The following CACNA1C variants were observed in gnomAD, a reference collection of about 807,000 sequenced individuals.
CACNA1C encodes voltage-dependent L-type calcium channel subunit alpha-1C.
In CACNA1C, 30 loss-of-function variants were observed where a neutral mutation model predicts 229.0. That is an observed-to-expected ratio of 0.13 (90% CI 0.10 to 0.18). The LOEUF (loss-of-function observed/expected upper bound fraction) is 0.18, where lower values mean the gene tolerates loss of function less well. CACNA1C is among the 10% of genes least tolerant of loss of function. The probability of loss-of-function intolerance (pLI) is 1.00; values close to 1 mark genes in which losing one functional copy is unlikely to be tolerated. For synonymous variants in CACNA1C, 1,114 were observed against 1,132.5 expected, an observed-to-expected ratio of 0.98 and a Z score of 0.33; for missense variants, 1,658 against 2,845.0, an observed-to-expected ratio of 0.58 and a Z score of 9.49.
At chr12:2,438,482 C>T (rs1207501671) in intron 3 of CACNA1C, among the ~76,000 whole-genome samples, 5 of 151,758 alleles carry the variant, frequency 3.3e-5, no homozygotes, top group Admixed American at 2.0e-4. Flanking sequence ...AGCAGGGTGG[C>T]CACTGAGCTG....
At chr12:2,105,508 T>G (rs2077904956) in intron 1 of CACNA1C, among the ~76,000 whole-genome samples, 1 of 152,140 alleles carries the variant, frequency 6.6e-6, no homozygotes, top group Non-Finnish European at 1.5e-5. Context: ...GGTGTGAAAA[T>G]AGCTCAGGTA....
At chr12:2,519,385 G>GC (rs1407885228) in intron 9 of CACNA1C, among the ~76,000 whole-genome samples, 1 of 152,212 alleles carries the variant, frequency 6.6e-6, no homozygotes, top group Non-Finnish European at 1.5e-5. Flanking sequence ...AGCTCACACT[G>GC]CCCCTGGACT....
intron 29 of CACNA1C, among the ~76,000 whole-genome samples, chr12:2,616,345 C>G (rs1008074576): frequency 1.3e-5 from 2 of 152,240 alleles, no homozygotes; most frequent in Non-Finnish European, 2.9e-5. Flanking sequence ...TCCCCCTACC[C>G]TTTCTTCTGG....
chr12:2,445,197 A>G (rs539307981), intron 3 of CACNA1C, among the ~76,000 whole-genome samples: 1 of 151,938 alleles, frequency 6.6e-6, no homozygotes, highest in South Asian at 2.1e-4. Flanking sequence ...CACCTGGACA[A>G]CTCTTCATCC....
intron 3 of CACNA1C, among the ~76,000 whole-genome samples, chr12:2,226,360 T>G (rs2063025088): frequency 1.3e-5 from 2 of 152,162 alleles, no homozygotes; most frequent in South Asian, 4.1e-4. Context: ...AAACCAAGAC[T>G]CAGAGGTTAA....
chr12:2,301,093 C>T (rs2094522639), intron 3 of CACNA1C, among the ~76,000 whole-genome samples: 1 of 152,154 alleles, frequency 6.6e-6, no homozygotes, highest in Non-Finnish European at 1.5e-5. Context: ...AGCCGGTCCT[C>T]AGGGCGGCAT....
intron 5 of CACNA1C, among the ~76,000 whole-genome samples, chr12:2,476,708 T>C (rs1177271476): frequency 6.6e-6 from 1 of 152,254 alleles, no homozygotes; most frequent in Non-Finnish European, 1.5e-5. Flanking sequence ...CCTAAAGTTT[T>C]AATTTATTGG....
chr12:2,585,994 A>G lies in CACNA1C; in HGVS notation c.2530+90A>G. ...ACGTGGGAGTGGCCATATATTAGGG[A>G]CCATGGTTCCAGTGTCCCTCTGTAA... On this transcript the variant is annotated intron_variant, in intron 18 of 46. Transcript: ENST00000399655. This position sits in a 1 kb window ranked among gnomAD's most constrained non-coding sequence, Gnocchi z 4.1. The G allele has an allele frequency of 1.4e-6, 1 of 700,648 alleles. No homozygotes were observed. Among genetic ancestry groups the G allele is most frequent in the Non-Finnish European group, 2.4e-6 (1 of 421,772 alleles). 43.4% of individuals were successfully genotyped at this position (700,648 alleles called of 1,614,324 possible).
At chr12:2,432,843 C>T (rs1015392316) in intron 3 of CACNA1C, among the ~76,000 whole-genome samples, 13 of 152,152 alleles carry the variant, frequency 8.5e-5, no homozygotes, top group African/African-American at 2.7e-4. Context: ...AGCTAGAATG[C>T]TTGCTGTGCA....
At chr12:2,611,343 G>A (rs140505052) in intron 28 of CACNA1C, among the ~76,000 whole-genome samples, 1,332 of 132,274 alleles carry the variant, frequency 0.01, no homozygotes, top group African/African-American at 0.036. Flanking sequence ...GGATGTGTTC[G>A]TTGTTGGTTG....
intron 3 of CACNA1C, among the ~76,000 whole-genome samples, chr12:2,387,145 C>G (rs1050744941): frequency 3.3e-5 from 5 of 152,178 alleles, no homozygotes; most frequent in African/African-American, 1.2e-4. Context: ...GGGGAGGGCA[C>G]TTTCTTCAGA....
At chr12:2,061,033 GAATA>G (rs1327974736) in intron 1 of CACNA1C, among the ~76,000 whole-genome samples, 2 of 151,886 alleles carry the variant, frequency 1.3e-5, no homozygotes, top group South Asian at 2.1e-4. Context: ...AATAGCTAAA[GAATA>G]AATAAGGCTG....
chr12:1,974,793 T>A (rs1344647317), intron 1 of CACNA1C, among the ~76,000 whole-genome samples: 1 of 152,194 alleles, frequency 6.6e-6, no homozygotes, highest in African/African-American at 2.4e-5. Flanking sequence ...CTGACAACTA[T>A]CACCATAAGT....
chr12:2,448,700 C>A (rs2154562777), intron 3 of CACNA1C, among the ~76,000 whole-genome samples: 1 of 151,874 alleles, frequency 6.6e-6, no homozygotes, highest in African/African-American at 2.4e-5. Flanking sequence ...TAAAATGTTT[C>A]AAAAAATATG....
chr12:2,510,026 A>C (rs1193391188), intron 8 of CACNA1C, among the ~76,000 whole-genome samples: 1 of 152,138 alleles, frequency 6.6e-6, no homozygotes, highest in African/African-American at 2.4e-5. Flanking sequence ...TTCCACACAC[A>C]CCGCCCTGTG....
intron 3 of CACNA1C, among the ~76,000 whole-genome samples, chr12:2,194,985 C>G (rs895191691): frequency 3.9e-5 from 6 of 152,180 alleles, no homozygotes; most frequent in African/African-American, 1.4e-4. Flanking sequence ...ATGATGGGAT[C>G]TGGTAGAAAG....
chr12:2,184,985 G>T (rs954552806), intron 3 of CACNA1C, among the ~76,000 whole-genome samples: 1 of 152,166 alleles, frequency 6.6e-6, no homozygotes, highest in Non-Finnish European at 1.5e-5. Flanking sequence ...AATATTTTTG[G>T]GGGGACAGGC....
chr12:2,580,209 G>T (rs755117805), intron 13 of CACNA1C, among the ~76,000 whole-genome samples: 1 of 152,210 alleles, frequency 6.6e-6, no homozygotes, highest in Non-Finnish European at 1.5e-5. Context: ...CTGCAACAGA[G>T]GGGGTATGGC....
chr12:2,106,461 T>C (rs376600831), intron 1 of CACNA1C, among the ~76,000 whole-genome samples: 27 of 52,480 alleles, frequency 5.1e-4, no homozygotes, highest in African/African-American at 9.0e-4. Flanking sequence ...TCAGCTGGGG[T>C]GTCCTGAAGC....
Sources: gnomAD v4.1 joint callset for allele counts (sites outside exome capture counted in the v4.1 genomes callset) on GRCh38, gnomAD v4.1.1 for gene constraint, Gnocchi (gnomAD v3.1) non-coding constraint, MANE v1.5 for transcripts, NCBI Gene and HGNC (gene_info 2026-07-23, HGNC 2026-07-21) for gene names.